Variants in COMMD1 observed in about 807,000 individuals in gnomAD.
The protein encoded by COMMD1 is copper metabolism domain containing 1, also known as COMM domain-containing protein 1.
COMMD1 carries 10 observed loss-of-function variants against 17.2 expected under a neutral mutation model. The observed-to-expected ratio is 0.58, with a 90% confidence interval of 0.36 to 0.99. The LOEUF is 0.99. COMMD1 is among the 50% of genes least tolerant of loss of function. The probability of loss-of-function intolerance (pLI) is 0.01; values close to 1 mark genes in which losing one functional copy is unlikely to be tolerated. For synonymous variants in COMMD1, 97 were observed against 91.6 expected, an observed-to-expected ratio of 1.06 and a Z score of -0.34; for missense variants, 270 against 231.8, an observed-to-expected ratio of 1.17 and a Z score of -1.07.
At chr2:62,096,908 A>G (rs186756383) in intron 2 of COMMD1, among the ~76,000 whole-genome samples, 105 of 152,362 alleles carry the variant, frequency 6.9e-4, no homozygotes, top group African/African-American at 1.9e-3. Context: ...TGGAAATTCA[A>G]TGTCATCTAA....
intron 1 of COMMD1, among the ~76,000 whole-genome samples, chr2:61,994,873 G>C (rs1668712528): frequency 6.6e-6 from 1 of 152,082 alleles, no homozygotes. Context: ...GGACCAGTCA[G>C]TGCGCCCAGA....
chr2:61,984,964 T>G (rs1463304379), intron 1 of COMMD1, among the ~76,000 whole-genome samples: 1 of 152,054 alleles, frequency 6.6e-6, no homozygotes, highest in East Asian at 1.9e-4. Flanking sequence ...GATATAAGTA[T>G]AGCTACTCCT....
intron 1 of COMMD1, among the ~76,000 whole-genome samples, chr2:61,941,679 A>G (rs1325806907): frequency 6.6e-6 from 1 of 152,222 alleles, no homozygotes; most frequent in Admixed American, 6.5e-5. Flanking sequence ...CTTTCTGTGC[A>G]TTTAGATCAC....
At chr2:61,964,967 C>T (rs185540518) in intron 1 of COMMD1, among the ~76,000 whole-genome samples, 395 of 151,948 alleles carry the variant, frequency 2.6e-3, no homozygotes, top group Non-Finnish European at 4.0e-3. Flanking sequence ...ACCTGGGAGG[C>T]GGAGGTTGCA....
chr2:61,913,239 C>T (rs1669955199), intron 1 of COMMD1, among the ~76,000 whole-genome samples: 1 of 151,450 alleles, frequency 6.6e-6, no homozygotes. Flanking sequence ...TGGTGGTGTG[C>T]ACCTGTAGTC....
At position 61,944,411 on chromosome 2, in the gene COMMD1, A is replaced by G. The variant is rs142821211; in HGVS notation, c.180+38553A>G. 5.0e-3 allele frequency among the ~76,000 whole-genome samples: 768 copies of G among 152,230 alleles called. 10 individuals are homozygous for G. The highest frequency in any genetic ancestry group is 0.017 in the African/African-American group (690 of 41,544). On this transcript the variant is annotated intron_variant, in intron 1 of 2. Transcript: ENST00000311832. ...GACTGCAGTGAGCCATGATGGTGTC[A>G]GAGGACTCCAGCCTGGGTAACATAG...
chr2:62,000,264 C>T (rs934151718), intron 1 of COMMD1, among the ~76,000 whole-genome samples: 2 of 148,638 alleles, frequency 1.3e-5, no homozygotes, highest in African/African-American at 5.0e-5. Flanking sequence ...AAATTTATTT[C>T]AGTGAATTTT....
chr2:62,073,738 G>A (rs1671262273), intron 2 of COMMD1, among the ~76,000 whole-genome samples: 1 of 152,046 alleles, frequency 6.6e-6, no homozygotes, highest in Non-Finnish European at 1.5e-5. Context: ...CACTTTTGTT[G>A]CCCAGGCTGG....
Position 62,110,211 on chromosome 2 carries a change from A to G in COMMD1, c.463-25620A>G, listed in dbSNP as rs190931038. Among the ~76,000 whole-genome samples the G allele has an allele frequency of 1.6e-3, 242 of 152,142 alleles. 2 individuals carry two copies. The highest frequency in any genetic ancestry group is 4.6e-3 in the African/African-American group (192 of 41,504). ...CAGCCTCCTGAGTATGTGGGACTAC[A>G]GGGGTGCACCAACATGCCTGGCTAA... On this transcript the variant is annotated intron_variant, in intron 2 of 2. Transcript: ENST00000311832.
chr2:62,060,941 C>A (rs189693557), intron 2 of COMMD1, among the ~76,000 whole-genome samples: 1 of 151,866 alleles, frequency 6.6e-6, no homozygotes, highest in Non-Finnish European at 1.5e-5. Context: ...TAATTTCTTT[C>A]CATTTATCTT....
At chr2:62,029,927 T>C (rs1669868138) in intron 2 of COMMD1, among the ~76,000 whole-genome samples, 1 of 152,280 alleles carries the variant, frequency 6.6e-6, no homozygotes, top group Non-Finnish European at 1.5e-5. Flanking sequence ...CACATTTGTT[T>C]AACGTGTATA....
At chr2:61,893,944 G>A (rs1669497935) in intron 1 of COMMD1, among the ~76,000 whole-genome samples, 1 of 152,088 alleles carries the variant, frequency 6.6e-6, no homozygotes. Context: ...TGTGCCTGTA[G>A]TCCCACTACT....
chr2:61,926,346 A>C lies in COMMD1; in HGVS notation c.180+20488A>C, dbSNP rs527996365. On this transcript the variant is annotated intron_variant, in intron 1 of 2. Coordinates refer to ENST00000311832, the MANE Select transcript of COMMD1 (RefSeq NM_152516.4). ...GTAAGATTGTCCCCTTTGTGAGGTT[A>C]GATTTTAGTTATTTGTCTTTGAGAG... 3.9e-5 allele frequency among the ~76,000 whole-genome samples: 6 copies of C among 152,304 alleles called. No individual in the cohort carries two copies. In the South Asian group the frequency reaches 1.2e-3, roughly 32 times the overall value.
intron 1 of COMMD1, among the ~76,000 whole-genome samples, chr2:61,911,356 A>T (rs1228748649): frequency 1.3e-5 from 2 of 151,936 alleles, no homozygotes; most frequent in African/African-American, 4.8e-5. Flanking sequence ...GGTGCTTATA[A>T]TCCCAGCTAC....
chr2:62,038,695 T>C (rs1218464757), intron 2 of COMMD1, among the ~76,000 whole-genome samples: 1 of 152,054 alleles, frequency 6.6e-6, no homozygotes, highest in East Asian at 1.9e-4. Flanking sequence ...CTTACAGGCA[T>C]ACATCACCAC....
chr2:61,921,262 G>C (rs537325305), intron 1 of COMMD1, among the ~76,000 whole-genome samples: 2 of 152,120 alleles, frequency 1.3e-5, no homozygotes, highest in Admixed American at 1.3e-4. Flanking sequence ...GAGCTAACAT[G>C]CCTGGCCTAA....
At chr2:62,121,576 A>G (rs1020460111) in intron 2 of COMMD1, among the ~76,000 whole-genome samples, 1 of 151,126 alleles carries the variant, frequency 6.6e-6, no homozygotes. Context: ...CATCTCTACT[A>G]AAAATACAAA....
chr2:62,104,235 A>G (rs1250085675), intron 2 of COMMD1, among the ~76,000 whole-genome samples: 1 of 152,210 alleles, frequency 6.6e-6, no homozygotes, highest in Non-Finnish European at 1.5e-5. Context: ...GCTTACGCTT[A>G]TAATCCCAAC....
intron 2 of COMMD1, among the ~76,000 whole-genome samples, chr2:62,117,349 C>T (rs554245505): frequency 6.6e-6 from 1 of 152,342 alleles, no homozygotes; most frequent in African/African-American, 2.4e-5. Context: ...TGGCAACACC[C>T]TGCTTTCCTT....
Sources: allele counts gnomAD v4.1 joint callset (sites outside exome capture counted in the v4.1 genomes callset), GRCh38; gene constraint gnomAD v4.1.1; transcripts MANE v1.5; gene names NCBI Gene and HGNC (gene_info 2026-07-23, HGNC 2026-07-21).